Variants in TTC6 observed in about 807,000 individuals in gnomAD.
TTC6 encodes tetratricopeptide repeat domain 6, also known as tetratricopeptide repeat protein 6.
TTC6 carries 172 observed loss-of-function variants against 210.4 expected under a neutral mutation model. That is an observed-to-expected ratio of 0.82 (90% confidence interval 0.72 to 0.93). The LOEUF (loss-of-function observed/expected upper bound fraction) is 0.93, where lower values mean the gene tolerates loss of function less well. TTC6 is among the 40% of genes least tolerant of loss of function. The probability of loss-of-function intolerance (pLI) is 0.00; values close to 1 mark genes in which losing one functional copy is unlikely to be tolerated. For missense variants in TTC6, 2,414 were observed against 2,318.1 expected, an observed-to-expected ratio of 1.04 and a Z score of -0.85; for synonymous variants, 804 against 819.6, an observed-to-expected ratio of 0.98 and a Z score of 0.32.
intron 1 of TTC6, among the ~76,000 whole-genome samples, chr14:37,639,715 C>CAAAAAAAAA (rs35837305): frequency 3.4e-4 from 25 of 74,066 alleles, no homozygotes; most frequent in East Asian, 1.0e-3. Context: ...ACAAGAAATA[C>CAAAAAAAAA]AAAAAAAAAA....
intron 1 of TTC6, among the ~76,000 whole-genome samples, chr14:37,634,017 T>C (rs1448191682): frequency 6.6e-6 from 1 of 152,084 alleles, no homozygotes; most frequent in Non-Finnish European, 1.5e-5. Flanking sequence ...CAAAGTAATA[T>C]CCAGACTCTC....
chr14:37,796,773 T>C lies in TTC6; in HGVS notation c.3869-14T>C. ...ACTTGGCAAAGATATTGATAAACTT[T>C]CCTTCCCTTTTAGGTCTCAGTGAGT... On this transcript the variant is annotated splice_polypyrimidine_tract_variant and intron_variant, in intron 19 of 30. Transcript: ENST00000553443. 1 of 1,590,340 alleles carries C rather than the reference T, an allele frequency of 6.3e-7. No homozygotes were observed. The highest frequency in any genetic ancestry group is 8.5e-7 in the Non-Finnish European group (1 of 1,171,658).
chr14:37,617,593 C>T (rs531305539), upstream of TTC6, among the ~76,000 whole-genome samples: 3 of 152,234 alleles, frequency 2.0e-5, no homozygotes, highest in East Asian at 5.8e-4. Context: ...TTCCCATTCT[C>T]TTAGCAAAAT....
intron 14 of TTC6, among the ~76,000 whole-genome samples, chr14:37,756,160 T>C (rs1453476124): frequency 1.3e-5 from 2 of 152,230 alleles, no homozygotes. Context: ...TCGTCTATTA[T>C]TGGTGTATAG....
chr14:37,748,545 C>T (rs951149527), intron 10 of TTC6, among the ~76,000 whole-genome samples: 3 of 152,142 alleles, frequency 2.0e-5, no homozygotes, highest in African/African-American at 7.2e-5. Flanking sequence ...CTCCTGCCTT[C>T]TTCCCACTGC....
exon 27 of TTC6, chr14:37,823,955 C>A: frequency 6.2e-7 from 1 of 1,613,162 alleles, no homozygotes; most frequent in Non-Finnish European, 8.5e-7. Context: ...CTATAATTTG[C>A]AGGTAATATA....
At chr14:37,737,840 T>C in intron 9 of TTC6, 106 bp downstream of exon 11, 1 of 572,782 alleles carries the variant, frequency 1.7e-6, no homozygotes, top group Non-Finnish European at 2.9e-6. Context: ...TATTATATTC[T>C]CTAGTCTAAT....
chr14:37,842,202 A>G, exon 31 of TTC6: 2 of 1,609,000 alleles, frequency 1.2e-6, no homozygotes, highest in East Asian at 4.5e-5. Context: ...TTTTAGAGCA[A>G]AAGTTCGTGG....
At chr14:37,706,098 G>A (rs1443117607) in intron 5 of TTC6, among the ~76,000 whole-genome samples, 1 of 152,100 alleles carries the variant, frequency 6.6e-6, no homozygotes. Flanking sequence ...AGGATTTTAT[G>A]GTTACCCCGT....
chr14:37,753,362 C>A, intron 14 of TTC6, 127 bp downstream of exon 16: 1 of 789,880 alleles, frequency 1.3e-6, no homozygotes, highest in African/African-American at 1.7e-5. Flanking sequence ...TCAGTGCCAC[C>A]AGTAAATGAA....
At chr14:37,725,040 G>T in intron 7 of TTC6, 38 bp downstream of exon 9, 2 of 1,117,418 alleles carry the variant, frequency 1.8e-6, no homozygotes, top group East Asian at 2.8e-5. Context: ...TATTGTTGTT[G>T]TTATTATTTA....
In TTC6 at chr14:37,823,834, A is replaced by G. The variant is rs2096163907; in HGVS notation, c.4851A>G (p.Gly1617=). 9.3e-6 allele frequency: 15 copies of G among 1,613,886 alleles called. No individual in the cohort carries two copies. In the East Asian group the frequency reaches 3.3e-4, roughly 36 times the overall value. ...TTCTGGATGCTTATGTTGGACGGGG[A>G]AATTCTTACATGGAATACGGTCATG... The change falls in exon 27 of 31, where the codon GGA becomes GGG. Residue 1617 remains glycine, a synonymous_variant. Transcript: ENST00000553443.
intron 5 of TTC6, among the ~76,000 whole-genome samples, chr14:37,704,291 G>C (rs2095831227): frequency 6.6e-6 from 1 of 152,044 alleles, no homozygotes; most frequent in African/African-American, 2.4e-5. Context: ...CTAGCCTTAA[G>C]TGATCCTCCT....
At chr14:37,769,928 T>C (rs1428180407) in intron 14 of TTC6, among the ~76,000 whole-genome samples, 1 of 151,788 alleles carries the variant, frequency 6.6e-6, no homozygotes, top group Non-Finnish European at 1.5e-5. Context: ...CTGCTTTCTC[T>C]TGTGGGCATT....
upstream of TTC6, among the ~76,000 whole-genome samples, chr14:37,621,156 C>G (rs2095650395): frequency 6.6e-6 from 1 of 152,102 alleles, no homozygotes; most frequent in African/African-American, 2.4e-5. Flanking sequence ...ACACCTGGGA[C>G]CAGCTGGAGA....
chr14:37,658,192 A>G lies in TTC6; in HGVS notation c.940-21959A>G, dbSNP rs185392536. On this transcript the variant is annotated intron_variant, in intron 1 of 30. Transcript: ENST00000553443. Reference sequence around the variant, plus strand: ...TTCATGTAATTATTCTCACTTATGAAATATTCTTCTTTTTAAAAAACACCA... The same window carrying G: ...TTCATGTAATTATTCTCACTTATGAGATATTCTTCTTTTTAAAAAACACCA... Among the ~76,000 whole-genome samples the G allele has an allele frequency of 9.8e-4, 150 of 152,332 alleles. 1 individual carries two copies. Among genetic ancestry groups the G allele is most frequent in the Middle Eastern group, 6.8e-3 (2 of 294 alleles).
At chr14:37,752,046 C>T (rs909925945) in intron 13 of TTC6, among the ~76,000 whole-genome samples, 1 of 151,860 alleles carries the variant, frequency 6.6e-6, no homozygotes, top group Non-Finnish European at 1.5e-5. Flanking sequence ...AGGATGGTCT[C>T]GATCTCCTGA....
At chr14:37,656,108 T>C (rs2095722365) in intron 1 of TTC6, among the ~76,000 whole-genome samples, 1 of 152,186 alleles carries the variant, frequency 6.6e-6, no homozygotes, top group Non-Finnish European at 1.5e-5. Flanking sequence ...CTTAGAGCAA[T>C]GTCTTGCAAA....
chr14:37,603,742 G>A lies in TTC6; in HGVS notation c.-234-2921G>A, dbSNP rs146271045. ...GGGCTGGCAGGCTCAGGCCACTTGT[G>A]TCTGAGGCTGAAGATCTCTGAGACT... On this transcript the variant is annotated intron_variant, in intron 1 of 2. Transcript: ENST00000556845. Among the ~76,000 whole-genome samples the A allele has an allele frequency of 3.7e-4, 57 of 152,292 alleles. 1 individual carries two copies. Among genetic ancestry groups the A allele is most frequent in the African/African-American group, 1.3e-3 (53 of 41,566 alleles).
Sources: gnomAD v4.1 joint callset for allele counts (sites outside exome capture counted in the v4.1 genomes callset) on GRCh38, gnomAD v4.1.1 for gene constraint, MANE v1.5 for transcripts, NCBI Gene and HGNC (gene_info 2026-07-23, HGNC 2026-07-21) for gene names.